MAGI1: variants seen among roughly 807,000 people sequenced by gnomAD.
MAGI1 encodes the protein membrane associated guanylate kinase, WW and PDZ domain containing 1.
A neutral mutation model predicts 139.9 loss-of-function variants in MAGI1; 58 were observed. That is an observed-to-expected ratio of 0.41 (90% confidence interval 0.34 to 0.52). MAGI1 has a LOEUF of 0.52. MAGI1 is among the 20% of genes least tolerant of loss of function. MAGI1 has a pLI of 0.12. For synonymous variants in MAGI1, 812 were observed against 737.9 expected (o/e 1.10, Z -1.63); for missense variants, 1,874 against 1,901.6 (o/e 0.99, Z 0.27).
In MAGI1 at chr3:65,429,869, C is replaced by G. The variant is rs1559547328; in HGVS notation, c.1818G>C (p.Lys606Asn). The change falls in exon 12 of 23, where the codon AAG becomes AAC. Residue 606 changes from lysine (K) to asparagine (N), a missense_variant. Physicochemically the swap from Lys to Asn is moderately conservative, Grantham distance 94. Coordinates refer to ENST00000402939, the MANE Select transcript of MAGI1 (RefSeq NM_001033057.2). ...SSKTGKVNGM[K>N]DARPSSPADV... is the part of the protein sequence containing the mutation. ...CCGCTGGGCTGCTTGGCCTGGCATC[C>G]TTCATGCCATTGACTTTGCCTGTTT... 2 of 1,614,016 alleles carry G rather than the reference C, an allele frequency of 1.2e-6. No individual in the cohort carries two copies. The highest frequency in any genetic ancestry group is 1.7e-6 in the Non-Finnish European group (2 of 1,179,962).
rs139445932 is a variant in MAGI1 at position 65,857,811 on chromosome 3, C to T, written c.313+180185G>A. Among the ~76,000 whole-genome samples, 383 of 152,214 alleles carry T rather than the reference C, an allele frequency of 2.5e-3. 1 individual carries two copies. Among genetic ancestry groups the T allele is most frequent in the African/African-American group, 8.8e-3 (367 of 41,524 alleles). On this transcript the variant is annotated intron_variant, in intron 1 of 22. Coordinates refer to ENST00000402939, the MANE Select transcript of MAGI1 (RefSeq NM_001033057.2). ...GGGCCTGCTTTACCTGTGTGACATT[C>T]GTTTCGTGGGGACACAGTGAAAACA... is the stretch of plus-strand genomic sequence containing the variant.
At chr3:65,453,014 C>G (rs1949134111) in intron 6 of MAGI1, 2 of 459,276 alleles carry the variant, frequency 4.4e-6, no homozygotes, top group Non-Finnish European at 7.9e-6. Flanking sequence ...TGAACAGTTT[C>G]TGACTGTTCT....
At chr3:66,024,905 A>G (rs1303451122) in intron 1 of MAGI1, among the ~76,000 whole-genome samples, 2 of 152,236 alleles carry the variant, frequency 1.3e-5, no homozygotes, top group African/African-American at 4.8e-5. Context: ...TACAAGTGAG[A>G]TAAGTGAAAA....
chr3:65,828,749 T>G (rs938662528), intron 1 of MAGI1, among the ~76,000 whole-genome samples: 1 of 152,236 alleles, frequency 6.6e-6, no homozygotes. Context: ...CGGGGATTAC[T>G]CTGGATTACC....
chr3:65,413,983 T>A (rs1477757882), intron 12 of MAGI1, among the ~76,000 whole-genome samples: 1 of 152,138 alleles, frequency 6.6e-6, no homozygotes, highest in African/African-American at 2.4e-5. Context: ...GCTGACCCAG[T>A]AAGCACTCAA....
chr3:66,036,303 C>T (rs2068914920), intron 1 of MAGI1, among the ~76,000 whole-genome samples: 1 of 152,144 alleles, frequency 6.6e-6, no homozygotes, highest in Admixed American at 6.5e-5. Context: ...CACAGGAAAG[C>T]CAGTGTGAGG....
At chr3:65,883,384 G>A (rs141989855) in intron 1 of MAGI1, among the ~76,000 whole-genome samples, 33 of 152,180 alleles carry the variant, frequency 2.2e-4, no homozygotes, top group Admixed American at 8.5e-4. Flanking sequence ...ATTCTGAAAC[G>A]CAACCCTCAA....
chr3:65,977,431 C>T (rs556043543), intron 1 of MAGI1, among the ~76,000 whole-genome samples: 6 of 152,258 alleles, frequency 3.9e-5, no homozygotes, highest in African/African-American at 1.4e-4. Context: ...CAAAACTCGG[C>T]CGGGCGCGGT....
At chr3:65,991,804 C>G (rs1469331944) in intron 1 of MAGI1, among the ~76,000 whole-genome samples, 1 of 152,052 alleles carries the variant, frequency 6.6e-6, no homozygotes, top group African/African-American at 2.4e-5. Context: ...CACCTGAGGT[C>G]AGGAGTTTGA....
chr3:65,568,652 T>A (rs1333677071), intron 2 of MAGI1, among the ~76,000 whole-genome samples: 1 of 152,222 alleles, frequency 6.6e-6, no homozygotes, highest in Non-Finnish European at 1.5e-5. Context: ...CAAAACCTTG[T>A]GCAGGGTGCT....
chr3:65,617,694 ACCTT>A (rs1204920546), intron 2 of MAGI1, among the ~76,000 whole-genome samples: 1 of 152,090 alleles, frequency 6.6e-6, no homozygotes, highest in Non-Finnish European at 1.5e-5. Context: ...CAAGACTCTG[ACCTT>A]CCTTATATTC....
At position 65,434,239 on chromosome 3, in the gene MAGI1, T is replaced by C. The variant is rs118026967; in HGVS notation, c.1363+2916A>G. 9.9e-5 allele frequency among the ~76,000 whole-genome samples: 15 copies of C among 152,276 alleles called. 1 individual carries two copies. The East Asian group carries it at 2.9e-3, about 29-fold the overall frequency. On this transcript the variant is annotated intron_variant, in intron 10 of 22. Transcript: ENST00000402939. ...TCACAAGTATAAATGGAGGTAATGA[T>C]GATACCTATTTCACATGATAGTTGT...
intron 2 of MAGI1, among the ~76,000 whole-genome samples, chr3:65,613,992 G>T (rs2083248069): frequency 6.6e-6 from 1 of 152,152 alleles, no homozygotes; most frequent in Admixed American, 6.5e-5. Context: ...CAAGCTCATG[G>T]CTGGGTGCGT....
At chr3:65,480,282 C>T (rs187385481) in intron 3 of MAGI1, among the ~76,000 whole-genome samples, 52 of 151,980 alleles carry the variant, frequency 3.4e-4, no homozygotes, top group Admixed American at 1.1e-3. Context: ...CCTCTAATAC[C>T]AGCACATTGG....
chr3:65,707,858 G>A (rs2030647129), intron 1 of MAGI1, among the ~76,000 whole-genome samples: 4 of 152,150 alleles, frequency 2.6e-5, no homozygotes, highest in Admixed American at 1.3e-4. Context: ...AGAGAGGAAA[G>A]CAAGCCAATA....
At chr3:66,020,213 A>G (rs1340072121) in intron 1 of MAGI1, among the ~76,000 whole-genome samples, 1 of 152,158 alleles carries the variant, frequency 6.6e-6, no homozygotes, top group Admixed American at 6.5e-5. Context: ...GCTGAGGCAG[A>G]CGGATCACTT....
At chr3:65,676,142 A>C (rs1287087599) in intron 1 of MAGI1, among the ~76,000 whole-genome samples, 6 of 152,190 alleles carry the variant, frequency 3.9e-5, no homozygotes, top group Non-Finnish European at 8.8e-5. Flanking sequence ...GAAAAACCCA[A>C]ATATACATCT....
chr3:65,516,858 G>A (rs534983425), intron 2 of MAGI1, among the ~76,000 whole-genome samples: 3 of 147,472 alleles, frequency 2.0e-5, no homozygotes, highest in Non-Finnish European at 4.5e-5. Flanking sequence ...CTCCCGAGTA[G>A]CTGGGACTAC....
chr3:65,407,861 G>T (rs1575639652), intron 12 of MAGI1, among the ~76,000 whole-genome samples: 1 of 152,224 alleles, frequency 6.6e-6, no homozygotes, highest in South Asian at 2.1e-4. Context: ...CTGGACAATG[G>T]CACATACTGG....
Sources: gnomAD v4.1 joint callset for allele counts (sites outside exome capture counted in the v4.1 genomes callset) on GRCh38, gnomAD v4.1.1 for gene constraint, MANE v1.5 for transcripts, NCBI Gene and HGNC (gene_info 2026-07-23, HGNC 2026-07-21) for gene names.